The following CLCNKB variants were observed in gnomAD, a reference collection of about 807,000 sequenced individuals.
CLCNKB encodes chloride voltage-gated channel Kb.
A neutral mutation model predicts 83.8 loss-of-function variants in CLCNKB; 74 were observed. The observed-to-expected ratio is 0.88, with a 90% CI of 0.73 to 1.07. CLCNKB has a LOEUF of 1.07. Ranked by LOEUF, CLCNKB falls within the 50% of genes least tolerant of loss-of-function variation. CLCNKB has a pLI of 0.00. For synonymous variants in CLCNKB, 358 were observed against 356.6 expected (o/e 1.00, Z -0.04); for missense variants, 798 against 893.6 (o/e 0.89, Z 1.36).
chr1:16,046,082 C>T (rs556117980), intron 3 of CLCNKB, among the ~76,000 whole-genome samples: 1 of 152,372 alleles, frequency 6.6e-6, no homozygotes, highest in Non-Finnish European at 1.5e-5. Flanking sequence ...CACCCTGAGG[C>T]CTCCCTGGAA....
In CLCNKB at chr1:16,056,527, C is replaced by A. The variant is rs575143198; in HGVS notation, c.2016+19C>A. The A allele has an allele frequency of 6.4e-7, 1 of 1,572,180 alleles. No homozygotes were observed. The highest frequency in any genetic ancestry group is 8.6e-7 in the Non-Finnish European group (1 of 1,158,194). ...GGTGGAGGTACCAGGGTCCCGGGGG[C>A]AGAGCAAAGCAGGGAACCTATGCCT... On this transcript the variant is annotated intron_variant, in intron 19 of 19. Coordinates refer to ENST00000375679, the MANE Select transcript of CLCNKB (RefSeq NM_000085.5).
In CLCNKB at chr1:16,053,834, A is replaced by G. The variant is rs888143096; in HGVS notation, c.1756+62A>G. Reference sequence around the variant, plus strand: ...GGGATGCCCTCTGCCTCCTTCTTGAACCTGTCAGGCAGACAGGATCTGCAT... The same window carrying G: ...GGGATGCCCTCTGCCTCCTTCTTGAGCCTGTCAGGCAGACAGGATCTGCAT... On this transcript the variant is annotated intron_variant, in intron 16 of 19. Coordinates refer to ENST00000375679, the MANE Select transcript of CLCNKB (RefSeq NM_000085.5). 3.1e-6 allele frequency: 5 copies of G among 1,605,740 alleles called. No individual in the cohort carries two copies. In the African/African-American group the frequency reaches 6.7e-5, roughly 22 times the overall value.
intron 3 of CLCNKB, 56 bp downstream of exon 3, chr1:16,045,742 G>A: frequency 6.2e-7 from 1 of 1,600,670 alleles, no homozygotes; most frequent in Admixed American, 1.7e-5. Flanking sequence ...GCTCTCTCTG[G>A]GGATGCCAGG....
At position 16,052,301 on chromosome 1, in the gene CLCNKB, G is replaced by A. The variant is rs139304412; in HGVS notation, c.1512G>A (p.Ala504=). The change falls in exon 15 of 20, where the codon GCG becomes GCA. Residue 504 remains alanine (A), a synonymous_variant. Transcript: ENST00000375679. ...QIVHALPVLM[A]VLAANAIAQS... Reference sequence around the variant, plus strand: ...TGCATGCACTGCCCGTGCTGATGGCGGTGCTGGCAGCCAACGCCATTGCAC... The same window carrying A: ...TGCATGCACTGCCCGTGCTGATGGCAGTGCTGGCAGCCAACGCCATTGCAC... 51 of 1,613,038 alleles carry A rather than the reference G, an allele frequency of 3.2e-5. No homozygotes were observed. The highest frequency in any genetic ancestry group is 4.0e-5 in the African/African-American group (3 of 74,916).
chr1:16,044,380 C>T, intron 1 of CLCNKB, 106 bp from the exon 2 acceptor site: 1 of 832,214 alleles, frequency 1.2e-6, no homozygotes, highest in Non-Finnish European at 2.0e-6. Flanking sequence ...CACACACACG[C>T]ACAATCTTTC....
intron 7 of CLCNKB, 168 bp downstream of exon 7, chr1:16,048,750 G>C: frequency 6.8e-7 from 1 of 1,475,382 alleles, no homozygotes; most frequent in Non-Finnish European, 9.0e-7. Context: ...GGGAGGGGGG[G>C]CGGGTGACTT....
intron 7 of CLCNKB, 163 bp downstream of exon 7, chr1:16,048,745 G>T (rs1314261522): frequency 4.7e-6 from 7 of 1,477,900 alleles, no homozygotes; most frequent in Admixed American, 5.2e-5. Context: ...CCGGGGGGAG[G>T]GGGGGCGGGT....
At chr1:16,053,354 C>A (rs1397455193) in intron 15 of CLCNKB, among the ~76,000 whole-genome samples, 2 of 152,106 alleles carry the variant, frequency 1.3e-5, no homozygotes, top group African/African-American at 4.8e-5. Flanking sequence ...CAAATTAAAT[C>A]CTCCAGGGAA....
intron 16 of CLCNKB, 72 bp downstream of exon 16, chr1:16,053,844 C>G: frequency 6.3e-7 from 1 of 1,582,894 alleles, no homozygotes. Context: ...ACCTGTCAGG[C>G]AGACAGGATC....
intron 15 of CLCNKB, among the ~76,000 whole-genome samples, chr1:16,052,894 A>T (rs1478904534): frequency 6.6e-6 from 1 of 152,186 alleles, no homozygotes; most frequent in African/African-American, 2.4e-5. Context: ...AGAGGCTCTG[A>T]GAGTCCCTGG....
Position 16,050,883 on chromosome 1 carries a change from G to A in CLCNKB, c.1062G>A (p.Met354Ile), listed in dbSNP as rs751558214. ...AGRFLASRLS[M>I]KQHLDSLFDN... ...CACCTGCCCCGCCACAGCTGTCCAT[G>A]AAGCAGCATCTGGACTCGCTGTTCG... Residue 354 changes from methionine to isoleucine, a missense_variant, in exon 12 of 20, where the codon ATG becomes ATA. Transcript: ENST00000375679. 2 of 1,612,048 alleles carry A rather than the reference G, an allele frequency of 1.2e-6. No homozygotes were observed. Among genetic ancestry groups the A allele is most frequent in the South Asian group, 1.1e-5 (1 of 91,008 alleles).
At chr1:16,055,794 C>T in intron 18 of CLCNKB, 36 bp downstream of exon 18, 1 of 1,590,548 alleles carries the variant, frequency 6.3e-7, no homozygotes, top group Non-Finnish European at 8.6e-7. Context: ...ACACATGAGG[C>T]CTCTGGGTGG....
Position 16,044,563 on chromosome 1 carries a change from CCT to C in CLCNKB, c.72_73del (p.Cys25SerfsTer47), listed in dbSNP as rs766622963. ...GTGACTCTGCAGGAGCTGTGGGGCC[CCT>C]GTCCCCGCATCCGCCGAGGCATCCG... On this transcript the variant is annotated frameshift_variant, in exon 2 of 20. Coordinates refer to ENST00000375679, the MANE Select transcript of CLCNKB (RefSeq NM_000085.5). LOFTEE classifies it high-confidence loss of function. 1 of 1,605,496 alleles carries C rather than the reference CCT, an allele frequency of 6.2e-7. No homozygotes were observed. Among genetic ancestry groups the C allele is most frequent in the Non-Finnish European group, 8.5e-7 (1 of 1,176,826 alleles).
At chr1:16,054,727 A>G (rs1489998900) in intron 16 of CLCNKB, among the ~76,000 whole-genome samples, 1 of 152,126 alleles carries the variant, frequency 6.6e-6, no homozygotes, top group Non-Finnish European at 1.5e-5. Context: ...AGAAAGAACT[A>G]GCCTCAAAGA....
At chr1:16,049,966 CCGTACTCCCAACCTTATGTAGAA>C in intron 10 of CLCNKB, 50 bp downstream of exon 10, 2 of 1,339,966 alleles carry the variant, frequency 1.5e-6, no homozygotes, top group South Asian at 1.2e-5. Context: ...TCCCCCCTCA[CCGTACTCCCAACCTTATGTAGAA>C]AGCTCTACCC....
intron 11 of CLCNKB, 118 bp from the exon 12 acceptor site, chr1:16,050,757 A>G (rs1326200229): frequency 1.1e-5 from 17 of 1,548,770 alleles, no homozygotes; most frequent in Non-Finnish European, 1.4e-5. Context: ...AGCCCTGCCC[A>G]AGGCCCCCCG....
chr1:16,045,599 G>A lies in CLCNKB; in HGVS notation c.142G>A (p.Glu48Lys), dbSNP rs769604665. 21 of 1,613,920 alleles carry A rather than the reference G, an allele frequency of 1.3e-5. No individual in the cohort carries two copies. The highest frequency in any genetic ancestry group is 6.7e-5 in the Admixed American group (4 of 60,006). ...WLKQKLFRLG[E>K]DWYFLMTLGV... ...GAAGCAGAAGCTCTTCCGCCTGGGC[G>A]AGGACTGGTACTTCCTGATGACCCT... The change falls in exon 3 of 20, where the codon GAG (glutamate) becomes AAG (lysine). Residue 48 changes from glutamate to lysine, a missense_variant. Coordinates refer to ENST00000375679, the MANE Select transcript of CLCNKB (RefSeq NM_000085.5).
rs41269175 is a variant in CLCNKB, at chr1:16,053,917, G to C, written c.1756+145G>C. 2.8e-3 allele frequency: 3,261 copies of C among 1,148,318 alleles called. 15 individuals carry two copies. Among genetic ancestry groups the C allele is most frequent in the Non-Finnish European group, 3.8e-3 (3,056 of 797,632 alleles). 71.1% of individuals were successfully genotyped at this position (1,148,318 alleles called of 1,614,324 possible). On this transcript the variant is annotated intron_variant, in intron 16 of 19. Transcript: ENST00000375679. ...ACCTTGGGCAAGTCACATCACCTGA[G>C]CCTCAGTTTCCTCATCAGTAAAATG...
At position 16,045,628 on chromosome 1, in the gene CLCNKB, G is replaced by A. The variant is rs150723240; in HGVS notation, c.171G>A (p.Gly57=). Residue 57 remains glycine (G), a synonymous_variant, in exon 3 of 20, where the codon GGG becomes GGA. Transcript: ENST00000375679. The part of the protein sequence containing the change: ...GEDWYFLMTL[G]VLMALVSCAM... ...ACTGGTACTTCCTGATGACCCTCGG[G>A]GTGCTCATGGCCCTGGTCAGCTGTG... 3,454 of 1,614,076 alleles carry A rather than the reference G, an allele frequency of 2.1e-3. 11 individuals carry two copies. The highest frequency in any genetic ancestry group is 2.3e-3 in the Non-Finnish European group (2,736 of 1,179,952).
Sources: allele counts gnomAD v4.1 joint callset (sites outside exome capture counted in the v4.1 genomes callset), GRCh38; gene constraint gnomAD v4.1.1; transcripts MANE v1.5; gene names NCBI Gene and HGNC (gene_info 2026-07-23, HGNC 2026-07-21).